NALF1: variants seen among roughly 807,000 people sequenced by gnomAD.
NALF1 encodes NALCN channel auxiliary factor 1.
In NALF1, 3 loss-of-function variants were observed where a neutral mutation model predicts 48.4. The observed-to-expected ratio is 0.06, with a 90% CI of 0.03 to 0.16. The LOEUF is 0.16. Ranked by LOEUF, NALF1 falls within the 10% of genes least tolerant of loss-of-function variation. The pLI, the probability that NALF1 is intolerant of heterozygous loss-of-function variation, is 1.00. For synonymous variants in NALF1, 262 were observed against 245.7 expected (o/e 1.07, Z -0.62); for missense variants, 526 against 571.5 (o/e 0.92, Z 0.81).
chr13:107,295,847 C>A (rs1275582431), intron 1 of NALF1, among the ~76,000 whole-genome samples: 1 of 152,176 alleles, frequency 6.6e-6, no homozygotes, highest in Non-Finnish European at 1.5e-5. Context: ...TTTAAAAAAA[C>A]ACTACTTTAA....
At chr13:107,357,960 A>G (rs1485898447) in intron 1 of NALF1, among the ~76,000 whole-genome samples, 1 of 152,176 alleles carries the variant, frequency 6.6e-6, no homozygotes, top group Non-Finnish European at 1.5e-5. Flanking sequence ...TTAGGTTGAT[A>G]ATGATTTCAG....
chr13:107,293,678 C>T (rs1484880782), intron 1 of NALF1, among the ~76,000 whole-genome samples: 2 of 152,178 alleles, frequency 1.3e-5, no homozygotes, highest in Admixed American at 6.5e-5. Context: ...AATTAGTATT[C>T]TCTTACATCC....
chr13:107,539,637 A>T (rs1325452644), intron 1 of NALF1, among the ~76,000 whole-genome samples: 1 of 152,190 alleles, frequency 6.6e-6, no homozygotes, highest in East Asian at 1.9e-4. Flanking sequence ...CAATACATTA[A>T]TATTCTGAAA....
intron 1 of NALF1, among the ~76,000 whole-genome samples, chr13:107,284,795 C>T (rs72666550): frequency 0.34 from 52,311 of 152,034 alleles, 10,639 homozygotes; most frequent in South Asian, 0.55. Context: ...CAGCTGCCTA[C>T]GTGCCAGAAG....
intron 1 of NALF1, among the ~76,000 whole-genome samples, chr13:107,406,910 G>A (rs1020656994): frequency 3.3e-5 from 5 of 151,924 alleles, no homozygotes; most frequent in Non-Finnish European, 7.4e-5. Context: ...GGACTGGTAT[G>A]AAAACAGACA....
intron 1 of NALF1, among the ~76,000 whole-genome samples, chr13:107,746,136 T>C (rs185036784): frequency 1.3e-4 from 20 of 152,292 alleles, no homozygotes; most frequent in African/African-American, 4.8e-4. Flanking sequence ...ACCAATTTAT[T>C]GTTAATTTAT....
At chr13:107,361,841 T>G (rs9520400) in intron 1 of NALF1, among the ~76,000 whole-genome samples, 82,039 of 151,652 alleles carry the variant, frequency 0.54, 22,318 homozygotes, top group Middle Eastern at 0.72. Context: ...CTTCGCACTT[T>G]GCACTTTCTT....
chr13:107,272,103 T>C (rs1221746860), intron 1 of NALF1, among the ~76,000 whole-genome samples: 1 of 151,930 alleles, frequency 6.6e-6, no homozygotes, highest in Non-Finnish European at 1.5e-5. Context: ...ATATCATATT[T>C]GTACATGTAT....
intron 1 of NALF1, among the ~76,000 whole-genome samples, chr13:107,609,031 C>T (rs1418132232): frequency 2.6e-5 from 4 of 152,138 alleles, no homozygotes; most frequent in East Asian, 1.9e-4. Flanking sequence ...GTCAAGAGCC[C>T]CAGTTGTGTA....
Position 107,295,913 on chromosome 13 carries a change from C to T in NALF1, c.916-85158G>A, listed in dbSNP as rs909264772. On this transcript the variant is annotated intron_variant, in intron 1 of 2. Coordinates refer to ENST00000375915, the MANE Select transcript of NALF1 (RefSeq NM_001080396.3). Reference sequence around the variant, plus strand: ...TGGTTATTCCAGCTCTTTTGCAAGTCGGTATTGTGAACTGTCAGTGTAAAT... The same window carrying T: ...TGGTTATTCCAGCTCTTTTGCAAGTTGGTATTGTGAACTGTCAGTGTAAAT... 5.3e-5 allele frequency among the ~76,000 whole-genome samples: 8 copies of T among 152,158 alleles called. No individual in the cohort carries two copies. The East Asian group carries it at 1.3e-3, about 26-fold the overall frequency.
intron 1 of NALF1, among the ~76,000 whole-genome samples, chr13:107,864,399 A>G (rs1880654613): frequency 6.6e-6 from 1 of 152,248 alleles, no homozygotes; most frequent in South Asian, 2.1e-4. Context: ...GTTCATTTAA[A>G]ATAGGCATCC....
At position 107,865,875 on chromosome 13, in the gene NALF1, G is replaced by A; in HGVS notation, c.722C>T (p.Pro241Leu). ...ATCCAGACTGCAGTTCAAAGTGTTG[G>A]GACTGGACAACCCCGAGAACAACTC... ...LWELFSGLSS[P>L]NTLNCSLDVV... Residue 241 changes from proline to leucine, a missense_variant, in exon 1 of 3, where the codon CCC (proline) becomes CTC (leucine). Pro to Leu is a moderately conservative substitution (Grantham distance 98). Transcript: ENST00000375915. 1.9e-6 allele frequency: 3 copies of A among 1,614,050 alleles called. No individual in the cohort carries two copies. Among genetic ancestry groups the A allele is most frequent in the Non-Finnish European group, 2.5e-6 (3 of 1,180,024 alleles).
intron 1 of NALF1, among the ~76,000 whole-genome samples, chr13:107,306,057 C>T (rs1004605924): frequency 3.3e-5 from 5 of 152,196 alleles, no homozygotes; most frequent in Admixed American, 6.5e-5. Flanking sequence ...TACTGAAGAT[C>T]GGTGATGTGT....
At chr13:107,746,127 C>T (rs1876773631) in intron 1 of NALF1, among the ~76,000 whole-genome samples, 1 of 152,096 alleles carries the variant, frequency 6.6e-6, no homozygotes, top group Non-Finnish European at 1.5e-5. Flanking sequence ...AATGAAACAA[C>T]CAATTTATTG....
chr13:107,818,415 T>C (rs1379348922), intron 1 of NALF1, among the ~76,000 whole-genome samples: 2 of 151,980 alleles, frequency 1.3e-5, no homozygotes, highest in Non-Finnish European at 2.9e-5. Context: ...CTGGAGGAAG[T>C]AGGGTCTGCA....
intron 1 of NALF1, among the ~76,000 whole-genome samples, chr13:107,640,607 T>A (rs888136958): frequency 1.3e-5 from 2 of 152,174 alleles, no homozygotes; most frequent in African/African-American, 4.8e-5. Context: ...CTTTCATCCA[T>A]CACTCCATGG....
chr13:107,294,755 G>T (rs1881692519), intron 1 of NALF1, among the ~76,000 whole-genome samples: 1 of 152,174 alleles, frequency 6.6e-6, no homozygotes, highest in African/African-American at 2.4e-5. Context: ...ATCTCTCTGT[G>T]CTGCCCAAGC....
intron 1 of NALF1, among the ~76,000 whole-genome samples, chr13:107,753,744 T>C (rs1877007175): frequency 6.6e-6 from 1 of 152,212 alleles, no homozygotes; most frequent in African/African-American, 2.4e-5. Context: ...TACGTCATTA[T>C]TTTTAAAGTT....
chr13:107,227,056 GAAGAA>G (rs1156443767), intron 1 of NALF1, among the ~76,000 whole-genome samples: 11 of 152,180 alleles, frequency 7.2e-5, no homozygotes, highest in African/African-American at 2.7e-4. Context: ...TGACAAAACA[GAAGAA>G]AAGTATAGAC....
Sources: allele counts gnomAD v4.1 joint callset (sites outside exome capture counted in the v4.1 genomes callset), GRCh38; gene constraint gnomAD v4.1.1; transcripts MANE v1.5; gene names NCBI Gene and HGNC (gene_info 2026-07-23, HGNC 2026-07-21).